SCN10A: variants seen among roughly 807,000 people sequenced by gnomAD.
The protein encoded by SCN10A is sodium channel protein type 10 subunit alpha.
A neutral mutation model predicts 170.7 loss-of-function variants in SCN10A; 162 were observed. That is an observed-to-expected ratio of 0.95 (90% CI 0.84 to 1.08). The LOEUF is 1.08. SCN10A is among the 50% of genes least tolerant of loss of function. The probability of loss-of-function intolerance (pLI) is 0.00; values close to 1 mark genes in which losing one functional copy is unlikely to be tolerated. For synonymous variants in SCN10A, 985 were observed against 904.6 expected, an observed-to-expected ratio of 1.09 and a Z score of -1.59; for missense variants, 2,527 against 2,436.9, an observed-to-expected ratio of 1.04 and a Z score of -0.78.
In SCN10A at chr3:38,696,836, A is replaced by G. The variant is rs1048893246; in HGVS notation, c.*513T>C. The G allele has an allele frequency of 6.3e-6, 1 of 158,214 alleles. No homozygotes were observed. Among genetic ancestry groups the G allele is most frequent in the Non-Finnish European group, 1.4e-5 (1 of 71,148 alleles). 9.8% of individuals were successfully genotyped at this position (158,214 alleles called of 1,614,324 possible). Reference sequence around the variant, plus strand: ...TTTAAAAATATTAATTTTAATGGATATCTCAAAGGCTTTTCATGACATAGG... The same window carrying G: ...TTTAAAAATATTAATTTTAATGGATGTCTCAAAGGCTTTTCATGACATAGG... On this transcript the variant is annotated 3_prime_UTR_variant, in exon 28 of 28. Transcript: ENST00000449082.
rs201174558 is a variant in SCN10A at position 38,756,739 on chromosome 3, C to T, written c.1225G>A (p.Asp409Asn). Residue 409 changes from aspartate (D) to asparagine (N), a missense_variant, in exon 10 of 28, where the codon GAT becomes AAT. Coordinates refer to ENST00000449082, the MANE Select transcript of SCN10A (RefSeq NM_006514.4). ...AYEEQNQATT[D>N]EIEAKEKKFQ... ...TTCTTCTCCTTTGCTTCAATTTCAT[C>T]AGTGGTTGCCTGGTTCTGCTCCTCA... 5 of 1,614,188 alleles carry T rather than the reference C, an allele frequency of 3.1e-6. No homozygotes were observed. Among genetic ancestry groups the T allele is most frequent in the Non-Finnish European group, 4.2e-6 (5 of 1,180,028 alleles).
chr3:38,771,377 T>C lies in SCN10A; in HGVS notation c.501A>G (p.Glu167=). 6.2e-7 allele frequency: 1 copy of C among 1,614,050 alleles called. No homozygotes were observed. The highest frequency in any genetic ancestry group is 8.5e-7 in the Non-Finnish European group (1 of 1,179,970). Residue 167 remains glutamate, a synonymous_variant, in exon 5 of 28, where the codon GAA becomes GAG. Transcript: ENST00000449082. ...CTCTTGCCAGTATCTTTATCAAGGC[T>C]TCAAAGGTGTAAATGACAGTGAAGA... is the stretch of plus-strand genomic sequence containing the variant. ...EYVFTVIYTF[E]ALIKILARGF...
chr3:38,809,508 G>A (rs1192234700), intron 1 of SCN10A, among the ~76,000 whole-genome samples: 3 of 152,190 alleles, frequency 2.0e-5, no homozygotes, highest in Admixed American at 2.0e-4. Flanking sequence ...TTCATTATCA[G>A]TAGTTGCCAA....
At chr3:38,809,853 C>A (rs917999879) in intron 1 of SCN10A, among the ~76,000 whole-genome samples, 1 of 152,040 alleles carries the variant, frequency 6.6e-6, no homozygotes, top group East Asian at 1.9e-4. Flanking sequence ...TGGTTCCAAC[C>A]ATGGAATTTT....
At chr3:38,714,193 A>T in intron 21 of SCN10A, 113 bp from the exon 22 acceptor site, 1 of 1,277,804 alleles carries the variant, frequency 7.8e-7, no homozygotes, top group South Asian at 1.4e-5. Flanking sequence ...CTAAGCCATC[A>T]TCCTAGCTCC....
Position 38,701,829 on chromosome 3 carries a change from G to T in SCN10A, c.4657+10C>A. On this transcript the variant is annotated intron_variant, in intron 27 of 27. Transcript: ENST00000449082. ...GGTGGGGCTTCCCCACCACGTGGCT[G>T]CCCACTTACTCGCAATGGAGAGAAC... 1 of 1,588,618 alleles carries T rather than the reference G, an allele frequency of 6.3e-7. No homozygotes were observed.
At chr3:38,801,831 G>T (rs1039812411) in intron 1 of SCN10A, among the ~76,000 whole-genome samples, 2 of 152,222 alleles carry the variant, frequency 1.3e-5, no homozygotes, top group East Asian at 3.9e-4. Context: ...TACTTCCCGT[G>T]GTTGCTCTTA....
chr3:38,739,649 T>C lies in SCN10A; in HGVS notation c.2146A>G (p.Ile716Val). 6.2e-7 allele frequency: 1 copy of C among 1,614,082 alleles called. No individual in the cohort carries two copies. Among genetic ancestry groups the C allele is most frequent in the Non-Finnish European group, 8.5e-7 (1 of 1,179,972 alleles). ...IFFTAEMVFK[I>V]IAFDPYYYFQ... ...TAATAGTATGGGTCGAAGGCAATGA[T>C]TTTGAAGACCATTTCAGCAGTAAAA... Residue 716 changes from isoleucine (I) to valine (V), a missense_variant, in exon 15 of 28, where the codon ATC becomes GTC. Physicochemically the swap from Ile to Val is conservative, Grantham distance 29. Coordinates refer to ENST00000449082, the MANE Select transcript of SCN10A (RefSeq NM_006514.4).
intron 1 of SCN10A, among the ~76,000 whole-genome samples, chr3:38,801,850 T>C (rs918475256): frequency 1.3e-5 from 2 of 152,200 alleles, no homozygotes; most frequent in Non-Finnish European, 2.9e-5. Flanking sequence ...TATCTACTTA[T>C]ATACAACTAC....
chr3:38,802,340 A>G (rs2064376476), intron 1 of SCN10A, among the ~76,000 whole-genome samples: 1 of 152,184 alleles, frequency 6.6e-6, no homozygotes, highest in Non-Finnish European at 1.5e-5. Context: ...CTCTAGCCCA[A>G]GTCTTTCACT....
chr3:38,715,780 C>T (rs1423374588), intron 21 of SCN10A, among the ~76,000 whole-genome samples: 2 of 152,230 alleles, frequency 1.3e-5, no homozygotes, highest in East Asian at 3.8e-4. Context: ...CCTTATAATA[C>T]ATTTATTTCC....
In SCN10A at chr3:38,698,449, TG is replaced by T. The variant is rs2125980464; in HGVS notation, c.4770del (p.Lys1591ArgfsTer11). 1 of 1,614,174 alleles carries T rather than the reference TG, an allele frequency of 6.2e-7. No individual in the cohort carries two copies. Among genetic ancestry groups the T allele is most frequent in the Non-Finnish European group, 8.5e-7 (1 of 1,180,020 alleles). On this transcript the variant is annotated frameshift_variant, in exon 28 of 28. Transcript: ENST00000449082. LOFTEE classifies it high-confidence loss of function. ...IGRILRLIRA[A>X]KGIRTLLFAL... ...GCAAAGAGCAGTGTGCGGATCCCCTTGGCCGCTCGGATCAGTCTGAGGATGC... is the reference window on the plus strand; with the variant it reads ...GCAAAGAGCAGTGTGCGGATCCCCTTGCCGCTCGGATCAGTCTGAGGATGC...
intron 11 of SCN10A, among the ~76,000 whole-genome samples, chr3:38,752,786 T>A (rs955785989): frequency 1.3e-5 from 2 of 152,198 alleles, no homozygotes; most frequent in African/African-American, 2.4e-5. Context: ...GTCAGGAACA[T>A]GTCAGAGGAA....
At chr3:38,765,902 G>GT (rs2063927146) in intron 5 of SCN10A, among the ~76,000 whole-genome samples, 1 of 151,530 alleles carries the variant, frequency 6.6e-6, no homozygotes. Flanking sequence ...TTTTAGCAGT[G>GT]TTTTGTAGTT....
intron 21 of SCN10A, among the ~76,000 whole-genome samples, chr3:38,717,015 G>A (rs1480560327): frequency 6.6e-6 from 1 of 152,206 alleles, no homozygotes; most frequent in African/African-American, 2.4e-5. Flanking sequence ...GTAGAAGCAT[G>A]CTTGGATGGA....
chr3:38,701,780 G>T, intron 27 of SCN10A, 59 bp downstream of exon 27: 2 of 1,492,892 alleles, frequency 1.3e-6, no homozygotes, highest in Non-Finnish European at 1.8e-6. Context: ...TTTTAGAAGA[G>T]CATCCCAAAG....
At chr3:38,784,831 A>G (rs1575176702) in intron 4 of SCN10A, among the ~76,000 whole-genome samples, 1 of 152,262 alleles carries the variant, frequency 6.6e-6, no homozygotes, top group Middle Eastern at 3.4e-3. Context: ...ATTCCCATAC[A>G]CCAATAACAG....
At chr3:38,790,145 A>G (rs2064262492) in intron 3 of SCN10A, among the ~76,000 whole-genome samples, 1 of 152,182 alleles carries the variant, frequency 6.6e-6, no homozygotes, top group South Asian at 2.1e-4. Flanking sequence ...GGAAATGTTA[A>G]TCCAAGGATT....
Position 38,752,345 on chromosome 3 carries a change from A to C in SCN10A, c.1629T>G (p.Ala543=), listed in dbSNP as rs1394945710. 6.2e-7 allele frequency: 1 copy of C among 1,613,616 alleles called. No individual in the cohort carries two copies. The highest frequency in any genetic ancestry group is 1.3e-5 in the African/African-American group (1 of 75,024). Residue 543 remains alanine, a synonymous_variant, in exon 12 of 28, where the codon GCT becomes GCG. Transcript: ENST00000449082. ...TTCTAGGGAGGGGGCCTTGCTGGCC[A>C]GCACCCCCACCCAGCAGCAGAGAGC... is the stretch of plus-strand genomic sequence containing the variant. ...HRGSLLLGGG[A]GQQGPLPRSP...
Sources: gnomAD v4.1 joint callset for allele counts (sites outside exome capture counted in the v4.1 genomes callset) on GRCh38, gnomAD v4.1.1 for gene constraint, MANE v1.5 for transcripts, NCBI Gene and HGNC (gene_info 2026-07-23, HGNC 2026-07-21) for gene names.